ACSM5: variants seen among roughly 807,000 people sequenced by gnomAD.
ACSM5 encodes the protein acyl-coenzyme A synthetase ACSM5, mitochondrial.
Under a neutral mutation model 71.6 loss-of-function variants are expected in ACSM5, and 56 were observed. The observed-to-expected ratio is 0.78, with a 90% CI of 0.63 to 0.98. The LOEUF (loss-of-function observed/expected upper bound fraction) is 0.98, where lower values mean the gene tolerates loss of function less well. ACSM5 is among the 50% of genes least tolerant of loss of function. The probability of loss-of-function intolerance (pLI) is 0.00; values close to 1 mark genes in which losing one functional copy is unlikely to be tolerated. For synonymous variants in ACSM5, 285 were observed against 281.5 expected, an observed-to-expected ratio of 1.01 and a Z score of -0.12; for missense variants, 723 against 726.0, an observed-to-expected ratio of 1.00 and a Z score of 0.05.
rs193028182 is a variant in ACSM5, at chr16:20,412,162, A to G, written c.204+474A>G. On this transcript the variant is annotated intron_variant, in intron 2 of 13. Transcript: ENST00000331849. ...GGAGTTCGAGACCACCCTCACCAACATGGTGAAACTCCGTCTCTACTAAAA... is the reference window on the plus strand; with the variant it reads ...GGAGTTCGAGACCACCCTCACCAACGTGGTGAAACTCCGTCTCTACTAAAA... The G allele has an allele frequency of 3.8e-4, 61 of 159,074 alleles. 1 individual carries two copies. In the East Asian group the frequency reaches 9.2e-3, roughly 24 times the overall value. 9.9% of individuals were successfully genotyped at this position (159,074 alleles called of 1,614,324 possible).
In ACSM5 at chr16:20,427,821, T is replaced by C. The variant is rs1295239438; in HGVS notation, c.955T>C (p.Cys319Arg). 6.2e-7 allele frequency: 1 copy of C among 1,614,106 alleles called. No individual in the cohort carries two copies. The highest frequency in any genetic ancestry group is 8.5e-7 in the Non-Finnish European group (1 of 1,179,954). The change falls in exon 7 of 14, where the codon TGT (cysteine) becomes CGT (arginine). Residue 319 changes from cysteine to arginine, a missense_variant. Transcript: ENST00000331849. Reference sequence around the variant, plus strand: ...CAAATTCCCGATAACCACCCTCTGCTGTGTCCCAACCATCTTTCGGCTGCT... The same window carrying C: ...CAAATTCCCGATAACCACCCTCTGCCGTGTCCCAACCATCTTTCGGCTGCT... ...LSKFPITTLC[C>R]VPTIFRLLVQ...
At chr16:20,429,836 G>C (rs201082899) in intron 8 of ACSM5, 35 bp downstream of exon 8, 37 of 1,607,024 alleles carry the variant, frequency 2.3e-5, no homozygotes, top group Non-Finnish European at 3.1e-5. Flanking sequence ...CTACCCCCCA[G>C]GTCCCCTCGA....
intron 6 of ACSM5, 136 bp downstream of exon 6, chr16:20,424,205 A>G (rs963381263): frequency 1.6e-5 from 18 of 1,133,740 alleles, no homozygotes; most frequent in African/African-American, 1.6e-4. Context: ...CTGGCCTTCC[A>G]TAATCTGGTT....
Position 20,440,855 on chromosome 16 carries a change from T to C in ACSM5, c.*428T>C, listed in dbSNP as rs533072588. The C allele has an allele frequency of 1.6e-3, 247 of 155,310 alleles. No homozygotes were observed. The highest frequency in any genetic ancestry group is 3.8e-4 in the Non-Finnish European group (27 of 70,156). The allele number at this position is 155,310 out of a possible 1,614,324, so 9.6% of individuals were successfully genotyped here. On this transcript the variant is annotated 3_prime_UTR_variant, in exon 14 of 14. Transcript: ENST00000331849. Reference sequence around the variant, plus strand: ...GTATGCAGGAACATAAAATAAAATATCCTTTAGCTCAGAAATTCTATCTTC... The same window carrying C: ...GTATGCAGGAACATAAAATAAAATACCCTTTAGCTCAGAAATTCTATCTTC...
intron 7 of ACSM5, among the ~76,000 whole-genome samples, chr16:20,429,157 T>C (rs578177176): frequency 1.3e-5 from 2 of 152,202 alleles, no homozygotes; most frequent in East Asian, 1.9e-4. Flanking sequence ...ACTACAGGCA[T>C]GTGCCACCAT....
At chr16:20,425,285 A>C (rs1966956870) in intron 6 of ACSM5, among the ~76,000 whole-genome samples, 1 of 152,126 alleles carries the variant, frequency 6.6e-6, no homozygotes, top group African/African-American at 2.4e-5. Context: ...ACTTAACATA[A>C]TGATCTCCAG....
intron 5 of ACSM5, among the ~76,000 whole-genome samples, chr16:20,422,449 C>T (rs1966898189): frequency 1.3e-5 from 2 of 152,154 alleles, no homozygotes; most frequent in African/African-American, 4.8e-5. Context: ...TGTTGATAGA[C>T]ACTTGGGTAG....
At chr16:20,424,430 A>C (rs1966937616) in intron 6 of ACSM5, among the ~76,000 whole-genome samples, 1 of 152,168 alleles carries the variant, frequency 6.6e-6, no homozygotes, top group South Asian at 2.1e-4. Context: ...TCTTAACATG[A>C]GTAGTTGGCC....
intron 2 of ACSM5, among the ~76,000 whole-genome samples, chr16:20,414,034 G>A (rs1007433860): frequency 1.3e-5 from 2 of 152,134 alleles, no homozygotes; most frequent in Non-Finnish European, 2.9e-5. Flanking sequence ...ACCAAACTCT[G>A]GGGAGTTGTG....
chr16:20,432,563 C>A (rs1042804662), intron 10 of ACSM5, among the ~76,000 whole-genome samples: 1 of 152,152 alleles, frequency 6.6e-6, no homozygotes, highest in Non-Finnish European at 1.5e-5. Flanking sequence ...TTCTGCTAAT[C>A]AGTCTTGGAA....
At chr16:20,421,056 T>A (rs1966876454) in intron 4 of ACSM5, 1 of 463,434 alleles carries the variant, frequency 2.2e-6, no homozygotes, top group East Asian at 3.8e-5. Flanking sequence ...ATTTTGAGCC[T>A]CAGTTTCCTG....
rs1432923714 is a variant in ACSM5, at chr16:20,440,505, G to A, written c.*78G>A. The A allele has an allele frequency of 3.0e-6, 4 of 1,316,180 alleles. No homozygotes were observed. In the African/African-American group the frequency reaches 5.8e-5, roughly 19 times the overall value. The allele number at this position is 1,316,180 out of a possible 1,614,324, so 81.5% of individuals were successfully genotyped here. ...TGGATCACTGGTCAGTCCCCATGGG[G>A]AGCATCATCTCTTCGACCCTAAAGA... On this transcript the variant is annotated 3_prime_UTR_variant, in exon 14 of 14. Coordinates refer to ENST00000331849, the MANE Select transcript of ACSM5 (RefSeq NM_017888.3).
chr16:20,436,202 TCCTTCTCTTC>T (rs1239151680), intron 10 of ACSM5, among the ~76,000 whole-genome samples: 40 of 147,214 alleles, frequency 2.7e-4, no homozygotes, highest in Non-Finnish European at 4.4e-4. Flanking sequence ...TTTCTTTTCT[TCCTTCTCTTC>T]CCTTCTCTTC....
At chr16:20,418,611 A>G (rs762187555) in intron 3 of ACSM5, among the ~76,000 whole-genome samples, 3 of 152,166 alleles carry the variant, frequency 2.0e-5, no homozygotes, top group Non-Finnish European at 2.9e-5. Context: ...TTGTAATTGA[A>G]AACTCTGGAT....
In ACSM5 at chr16:20,426,751, G is replaced by A. The variant is rs150657675; in HGVS notation, c.922-1037G>A. 1.8e-3 allele frequency among the ~76,000 whole-genome samples: 271 copies of A among 152,292 alleles called. 7 individuals are homozygous for A. In the East Asian group the frequency reaches 0.041, roughly 23 times the overall value. On this transcript the variant is annotated intron_variant, in intron 6 of 13. Coordinates refer to ENST00000331849, the MANE Select transcript of ACSM5 (RefSeq NM_017888.3). ...GTACAATGGTGTTTACCAGGAGTTA[G>A]GGGAGAGATTAATGGGAAATTATTG...
chr16:20,432,847 CTTTT>C (rs56853520), intron 10 of ACSM5, among the ~76,000 whole-genome samples: 68 of 57,600 alleles, frequency 1.2e-3, no homozygotes, highest in African/African-American at 4.2e-3. Context: ...CCAGATCATT[CTTTT>C]TTTTTTTTTT....
chr16:20,423,826 A>C, intron 5 of ACSM5, 90 bp from the exon 6 acceptor site: 2 of 1,498,544 alleles, frequency 1.3e-6, no homozygotes, highest in Non-Finnish European at 1.8e-6. Flanking sequence ...CCCACTGAGC[A>C]GGGCTCCAAA....
intron 10 of ACSM5, among the ~76,000 whole-genome samples, chr16:20,433,545 G>A (rs896559446): frequency 2.6e-5 from 4 of 151,852 alleles, no homozygotes; most frequent in African/African-American, 9.7e-5. Context: ...TTATATTATA[G>A]CATTGTGAAC....
intron 8 of ACSM5, among the ~76,000 whole-genome samples, chr16:20,430,697 G>T (rs1176444454): frequency 1.3e-5 from 2 of 150,552 alleles, no homozygotes; most frequent in African/African-American, 2.4e-5. Flanking sequence ...AAATAACGGG[G>T]AAAAGAATGA....
Sources: gnomAD v4.1 joint callset for allele counts (sites outside exome capture counted in the v4.1 genomes callset) on GRCh38, gnomAD v4.1.1 for gene constraint, MANE v1.5 for transcripts, NCBI Gene and HGNC (gene_info 2026-07-23, HGNC 2026-07-21) for gene names.